Variants in PLB1 observed in about 807,000 individuals in gnomAD.
PLB1 encodes the protein phospholipase B1, also known as phospholipase B1, membrane-associated.
A neutral mutation model predicts 227.4 loss-of-function variants in PLB1; 242 were observed. That is an observed-to-expected ratio of 1.06 (90% CI 0.96 to 1.18). The LOEUF is 1.18. PLB1 is among the 50% of genes most tolerant of loss of function. The probability of loss-of-function intolerance (pLI) is 0.00; values close to 1 mark genes in which losing one functional copy is unlikely to be tolerated. For missense variants in PLB1, 1,858 were observed against 1,816.3 expected (o/e 1.02, Z -0.42); for synonymous variants, 757 against 682.2 (o/e 1.11, Z -1.71).
intron 46 of PLB1, among the ~76,000 whole-genome samples, chr2:28,619,934 A>C (rs112355748): frequency 5.9e-5 from 9 of 152,302 alleles, no homozygotes; most frequent in African/African-American, 2.2e-4. Context: ...AACTGGAGTC[A>C]GTTCACTCAG....
chr2:28,644,044 G>GA lies in PLB1; in HGVS notation c.*985dup, dbSNP rs1690229507. On this transcript the variant is annotated 3_prime_UTR_variant, in exon 58 of 58. Transcript: ENST00000327757. ...AGAAGTGATGCTTGCGCAACACCGTGAATGTACTAAACGCCGCAAATTGTT... is the reference window on the plus strand; with the variant it reads ...AGAAGTGATGCTTGCGCAACACCGTGAAATGTACTAAACGCCGCAAATTGTT... 6.6e-6 allele frequency among the ~76,000 whole-genome samples: 1 copy of GA among 152,254 alleles called. No homozygotes were observed. The highest frequency in any genetic ancestry group is 1.5e-5 in the Non-Finnish European group (1 of 68,050).
intron 1 of PLB1, among the ~76,000 whole-genome samples, chr2:28,511,768 G>A (rs188917970): frequency 6.6e-6 from 1 of 150,510 alleles, no homozygotes; most frequent in East Asian, 1.9e-4. Context: ...GGAGGTTTGG[G>A]AAGTTTTCAG....
intron 26 of PLB1, among the ~76,000 whole-genome samples, chr2:28,588,969 GCC>G (rs1267718243): frequency 0.024 from 3,581 of 151,790 alleles, 158 homozygotes; most frequent in African/African-American, 0.083. Flanking sequence ...TTCGAGACCA[GCC>G]TGGCCAACAT....
intron 53 of PLB1, 111 bp downstream of exon 53, chr2:28,629,296 T>A: frequency 1.1e-6 from 1 of 874,478 alleles, no homozygotes; most frequent in Non-Finnish European, 1.8e-6. Flanking sequence ...TGCCAGAGGG[T>A]AGACATGGCT....
chr2:28,572,025 A>G (rs913191829), intron 20 of PLB1, among the ~76,000 whole-genome samples: 2 of 152,248 alleles, frequency 1.3e-5, no homozygotes, highest in African/African-American at 4.8e-5. Context: ...CCTATATCTA[A>G]TAAGAAACTT....
chr2:28,601,331 C>T lies in PLB1; in HGVS notation c.2606C>T (p.Ser869Leu), dbSNP rs201375560. The stretch of plus-strand genomic sequence containing the variant: ...GATTTATGTGACTACTGCACAGATT[C>T]GGTAATTGGGGCCAGGTCCAGGCCT... ...GSDLCDYCTD[S>L]NLYSAANFVH... The change falls in exon 37 of 58, where the codon TCG (serine) becomes TTG (leucine). Residue 869 changes from serine to leucine, a missense_variant and splice_region_variant. Ser to Leu is a moderately radical substitution (Grantham distance 145, BLOSUM62 -2). Transcript: ENST00000327757. 100 of 1,613,410 alleles carry T rather than the reference C, an allele frequency of 6.2e-5. No homozygotes were observed. The highest frequency in any genetic ancestry group is 7.8e-5 in the Non-Finnish European group (92 of 1,179,552).
chr2:28,635,765 T>C (rs914879230), intron 56 of PLB1, among the ~76,000 whole-genome samples: 1 of 152,224 alleles, frequency 6.6e-6, no homozygotes, highest in African/African-American at 2.4e-5. Context: ...CCTTCTTCTG[T>C]CTTCTTATCT....
intron 21 of PLB1, among the ~76,000 whole-genome samples, chr2:28,574,333 C>T (rs1678521900): frequency 4.0e-5 from 2 of 50,466 alleles, no homozygotes; most frequent in Admixed American, 2.6e-4. Flanking sequence ...TCTTTAATCC[C>T]TCACCCCCCC....
intron 49 of PLB1, among the ~76,000 whole-genome samples, chr2:28,623,079 A>G (rs1687257921): frequency 6.6e-6 from 1 of 152,244 alleles, no homozygotes; most frequent in Admixed American, 6.5e-5. Flanking sequence ...AGAAGAGCAC[A>G]CAGTATGAAC....
intron 1 of PLB1, among the ~76,000 whole-genome samples, chr2:28,513,844 T>C (rs1250243791): frequency 2.6e-5 from 4 of 152,102 alleles, no homozygotes; most frequent in Non-Finnish European, 4.4e-5. Context: ...AATTCCGGAG[T>C]CAGCAGTAAA....
intron 57 of PLB1, among the ~76,000 whole-genome samples, chr2:28,641,480 C>T (rs988348816): frequency 1.3e-5 from 2 of 152,110 alleles, no homozygotes; most frequent in East Asian, 1.9e-4. Context: ...TGGTGGCGGG[C>T]GCCTGTCATC....
intron 4 of PLB1, among the ~76,000 whole-genome samples, chr2:28,521,772 G>A (rs72788707): frequency 0.12 from 18,290 of 150,928 alleles, 1,340 homozygotes; most frequent in East Asian, 0.35. Context: ...TGCTGCCCCC[G>A]ATCTCAGCAG....
Position 28,518,480 on chromosome 2 carries a change from T to C in PLB1, c.132T>C (p.Ser44=), listed in dbSNP as rs1669118862. 6.2e-7 allele frequency: 1 copy of C among 1,612,526 alleles called. No homozygotes were observed. Among genetic ancestry groups the C allele is most frequent in the Non-Finnish European group, 8.5e-7 (1 of 1,178,524 alleles). The change falls in exon 3 of 58, where the codon TCT becomes TCC. Residue 44 remains serine (S), a synonymous_variant. Transcript: ENST00000327757. ...GQLWPETLKN[S]PFPCNPNKLG... is the part of the protein sequence containing the mutation. Reference sequence around the variant, plus strand: ...TTCAATTGCAGACCCTGAAGAATTCTCCATTCCCATGCAACCCAAATAAAT... The same window carrying C: ...TTCAATTGCAGACCCTGAAGAATTCCCCATTCCCATGCAACCCAAATAAAT...
chr2:28,539,233 G>A lies in PLB1; in HGVS notation c.698+55G>A, dbSNP rs962580228. 2.3e-5 allele frequency: 34 copies of A among 1,449,658 alleles called. 1 individual carries two copies. Among genetic ancestry groups the A allele is most frequent in the Admixed American group, 1.7e-4 (10 of 59,280 alleles). The allele number at this position is 1,449,658 out of a possible 1,614,324, so 89.8% of individuals were successfully genotyped here. Reference sequence around the variant, plus strand: ...TCTGTGACACGGCTGTCACGTGTGCGGCCTGTGGGGGCCCTTCATGTGCCG... The same window carrying A: ...TCTGTGACACGGCTGTCACGTGTGCAGCCTGTGGGGGCCCTTCATGTGCCG... On this transcript the variant is annotated intron_variant, in intron 11 of 57. Transcript: ENST00000327757.
At chr2:28,599,124 G>T (rs890625097) in intron 35 of PLB1, among the ~76,000 whole-genome samples, 1 of 152,252 alleles carries the variant, frequency 6.6e-6, no homozygotes, top group Non-Finnish European at 1.5e-5. Context: ...AAAAAGATCA[G>T]AGAGGGCCAA....
intron 16 of PLB1, 113 bp downstream of exon 16, chr2:28,550,197 G>C: frequency 1.3e-6 from 1 of 786,418 alleles, no homozygotes; most frequent in Non-Finnish European, 2.0e-6. Context: ...TTTTGAGATG[G>C]AGTCTCACTC....
rs180951895 is a variant in PLB1, at chr2:28,622,683, T to G, written c.3527+1705T>G. 1.2e-3 allele frequency among the ~76,000 whole-genome samples: 188 copies of G among 151,892 alleles called. 1 individual carries two copies. The highest frequency in any genetic ancestry group is 6.8e-3 in the Middle Eastern group (2 of 294). ...TAGGTGGATCACCTGAGGTCAGGAGTTCAAGACCAGCTTGGCCAACATGGT... is the reference window on the plus strand; with the variant it reads ...TAGGTGGATCACCTGAGGTCAGGAGGTCAAGACCAGCTTGGCCAACATGGT... On this transcript the variant is annotated intron_variant, in intron 49 of 57. Coordinates refer to ENST00000327757, the MANE Select transcript of PLB1 (RefSeq NM_153021.5).
In PLB1 at chr2:28,582,048, G is replaced by C. The variant is rs368800124; in HGVS notation, c.1567-20G>C. The C allele has an allele frequency of 5.0e-6, 8 of 1,607,274 alleles. No individual in the cohort carries two copies. Among genetic ancestry groups the C allele is most frequent in the Middle Eastern group, 3.3e-4 (2 of 6,044 alleles). ...ATTAGGTGACAAATGGTGTTCAAGG[G>C]ACACTTCCTCTTCCTGCAGGTCCAC... On this transcript the variant is annotated intron_variant, in intron 23 of 57. Coordinates refer to ENST00000327757, the MANE Select transcript of PLB1 (RefSeq NM_153021.5).
chr2:28,592,749 G>T (rs749312678), intron 32 of PLB1, 30 bp downstream of exon 32: 2 of 1,606,434 alleles, frequency 1.2e-6, no homozygotes, highest in African/African-American at 2.7e-5. Context: ...AGGTGGTTTG[G>T]GGATAACTAG....
Sources: gnomAD v4.1 joint callset for allele counts (sites outside exome capture counted in the v4.1 genomes callset) on GRCh38, gnomAD v4.1.1 for gene constraint, MANE v1.5 for transcripts, NCBI Gene and HGNC (gene_info 2026-07-23, HGNC 2026-07-21) for gene names.